ZNF385D: variants seen among roughly 807,000 people sequenced by gnomAD.
ZNF385D encodes the protein zinc finger protein 385D.
Under a neutral mutation model 35.8 loss-of-function variants are expected in ZNF385D, and 15 were observed. That is an observed-to-expected ratio of 0.42 (90% CI 0.28 to 0.64). The LOEUF (loss-of-function observed/expected upper bound fraction) is 0.64, where lower values mean the gene tolerates loss of function less well. ZNF385D is among the 30% of genes least tolerant of loss of function. The probability of loss-of-function intolerance (pLI) is 0.23; values close to 1 mark genes in which losing one functional copy is unlikely to be tolerated. For synonymous variants in ZNF385D, 212 were observed against 186.8 expected (o/e 1.13, Z -1.10); for missense variants, 474 against 494.6 (o/e 0.96, Z 0.39).
intron 3 of ZNF385D, among the ~76,000 whole-genome samples, chr3:21,935,751 C>CACAG (rs397742135): frequency 6.6e-6 from 1 of 151,300 alleles, no homozygotes; most frequent in South Asian, 2.1e-4. Flanking sequence ...AGATACAACA[C>CACAG]TGGACTTGAA....
At chr3:21,990,140 A>G (rs1232509588) in intron 3 of ZNF385D, among the ~76,000 whole-genome samples, 1 of 152,256 alleles carries the variant, frequency 6.6e-6, no homozygotes, top group Non-Finnish European at 1.5e-5. Context: ...AGGCTATGTC[A>G]GATCTGAGCA....
intron 2 of ZNF385D, among the ~76,000 whole-genome samples, chr3:22,336,213 A>G (rs1314328034): frequency 1.3e-5 from 2 of 152,170 alleles, no homozygotes; most frequent in African/African-American, 4.8e-5. Flanking sequence ...TAAATTCCAG[A>G]AATTTTAAAC....
At chr3:22,227,241 C>T (rs978497192) in intron 2 of ZNF385D, among the ~76,000 whole-genome samples, 17 of 152,036 alleles carry the variant, frequency 1.1e-4, no homozygotes, top group African/African-American at 2.4e-4. Context: ...CTCCCATAAC[C>T]GTTGTTACAC....
intron 1 of ZNF385D, among the ~76,000 whole-genome samples, chr3:21,717,110 C>G (rs180718594): frequency 3.3e-5 from 5 of 152,192 alleles, no homozygotes; most frequent in Non-Finnish European, 5.9e-5. Context: ...TCCAACCTGG[C>G]AACGACAATA....
chr3:21,723,377 C>G (rs1161116427), intron 1 of ZNF385D, among the ~76,000 whole-genome samples: 3 of 152,030 alleles, frequency 2.0e-5, no homozygotes, highest in Non-Finnish European at 4.4e-5. Context: ...CGTGTTCTAA[C>G]CCAATGCAAG....
rs1700514337 is a variant in ZNF385D at position 21,413,054 on chromosome 3, G to A, written c.*8160C>T. The A allele has an allele frequency of 6.6e-6, 1 of 151,962 alleles. No individual in the cohort carries two copies. Among genetic ancestry groups the A allele is most frequent in the East Asian group, 1.9e-4 (1 of 5,178 alleles). 9.4% of individuals were successfully genotyped at this position (151,962 alleles called of 1,614,324 possible). A position where few individuals can be genotyped will look rare whatever the true frequency, so the allele number is the denominator to read the frequency against. ...TATTACTTTTTTTCAAGAAAAAATA[G>A]TACTTTACTGGTATACAAAGGGTAG... On this transcript the variant is annotated 3_prime_UTR_variant, in exon 8 of 8. Transcript: ENST00000281523.
At chr3:21,554,118 T>C (rs76926590) in intron 3 of ZNF385D, among the ~76,000 whole-genome samples, 2,127 of 152,296 alleles carry the variant, frequency 0.014, 49 homozygotes, top group African/African-American at 0.048. Context: ...TTCAATTTAC[T>C]TGGGCAACAT....
chr3:21,925,328 C>T (rs1629935), intron 3 of ZNF385D, among the ~76,000 whole-genome samples: 139,132 of 152,010 alleles, frequency 0.92, 63,763 homozygotes, highest in East Asian at 0.98. Flanking sequence ...AATCCACAGA[C>T]AGACCCACAC....
At chr3:22,019,272 C>T (rs950267367) in intron 3 of ZNF385D, among the ~76,000 whole-genome samples, 3 of 151,506 alleles carry the variant, frequency 2.0e-5, no homozygotes, top group African/African-American at 7.3e-5. Context: ...TTTCTTTAAG[C>T]TCAAATATGT....
intron 3 of ZNF385D, among the ~76,000 whole-genome samples, chr3:21,526,661 G>T (rs1041242918): frequency 1.3e-5 from 2 of 152,160 alleles, no homozygotes; most frequent in Non-Finnish European, 2.9e-5. Context: ...GGGTGTAGAA[G>T]TGTCCGTTAG....
At chr3:21,873,239 A>G (rs1258855761) in intron 3 of ZNF385D, among the ~76,000 whole-genome samples, 1 of 151,910 alleles carries the variant, frequency 6.6e-6, no homozygotes, top group African/African-American at 2.4e-5. Flanking sequence ...ACAATGTACT[A>G]TTAAGTGGTT....
At chr3:22,359,920 T>G (rs1696337809) in intron 2 of ZNF385D, among the ~76,000 whole-genome samples, 1 of 151,880 alleles carries the variant, frequency 6.6e-6, no homozygotes, top group African/African-American at 2.4e-5. Flanking sequence ...CAACATAATG[T>G]TCAATAAAAA....
intron 2 of ZNF385D, among the ~76,000 whole-genome samples, chr3:22,259,072 G>C (rs959403830): frequency 6.6e-6 from 1 of 151,834 alleles, no homozygotes; most frequent in African/African-American, 2.4e-5. Flanking sequence ...ATCATAAAAT[G>C]AACTATTTTA....
chr3:21,830,282 T>C (rs937864799), intron 3 of ZNF385D, among the ~76,000 whole-genome samples: 1 of 152,202 alleles, frequency 6.6e-6, no homozygotes, highest in African/African-American at 2.4e-5. Context: ...TGTATCCTAG[T>C]TTACTTGTTT....
chr3:21,497,629 A>G lies in ZNF385D; in HGVS notation c.439+13232T>C, dbSNP rs141885464. Among the ~76,000 whole-genome samples the G allele has an allele frequency of 8.7e-3, 1,319 of 152,168 alleles. 21 individuals are homozygous for G. The highest frequency in any genetic ancestry group is 0.03 in the African/African-American group (1,230 of 41,530). On this transcript the variant is annotated intron_variant, in intron 4 of 7. Coordinates refer to ENST00000281523, the MANE Select transcript of ZNF385D (RefSeq NM_024697.3). ...GGAGGCTGAGGTGGGCAGATAATTCACTTGAGGCCAGGTGTTTGAGACCAG... is the reference window on the plus strand; with the variant it reads ...GGAGGCTGAGGTGGGCAGATAATTCGCTTGAGGCCAGGTGTTTGAGACCAG...
At chr3:21,503,959 T>C (rs1306129119) in intron 4 of ZNF385D, among the ~76,000 whole-genome samples, 2 of 152,092 alleles carry the variant, frequency 1.3e-5, no homozygotes, top group African/African-American at 4.8e-5. Flanking sequence ...TGGTTTACAA[T>C]TTCAAAATTA....
At chr3:21,864,430 C>T (rs1697223124) in intron 3 of ZNF385D, among the ~76,000 whole-genome samples, 1 of 152,052 alleles carries the variant, frequency 6.6e-6, no homozygotes, top group South Asian at 2.1e-4. Context: ...AATCCTTGTT[C>T]CTCTAATTCT....
chr3:22,180,945 C>CTTTTTTTTTTTTTTTTTT (rs1553624088), intron 2 of ZNF385D, among the ~76,000 whole-genome samples: 2 of 98,998 alleles, frequency 2.0e-5, no homozygotes, highest in African/African-American at 1.1e-4. Flanking sequence ...GACAGCTTTG[C>CTTTTTTTTTTTTTTTTTT]TTTCTCCTTC....
intron 5 of ZNF385D, among the ~76,000 whole-genome samples, chr3:21,432,618 TAAAGA>T (rs1421731160): frequency 8.6e-5 from 13 of 151,982 alleles, no homozygotes; most frequent in Admixed American, 2.6e-4. Flanking sequence ...GAAATTTTTT[TAAAGA>T]AAAAGAAAAA....
Sources: allele counts gnomAD v4.1 joint callset (sites outside exome capture counted in the v4.1 genomes callset), GRCh38; gene constraint gnomAD v4.1.1; transcripts MANE v1.5; gene names NCBI Gene and HGNC (gene_info 2026-07-23, HGNC 2026-07-21).